Variants in FGF12 observed in about 807,000 individuals in gnomAD.
The protein encoded by FGF12 is fibroblast growth factor 12.
In FGF12, 14 loss-of-function variants were observed where a neutral mutation model predicts 23.6. The observed-to-expected ratio is 0.59, with a 90% CI of 0.39 to 0.93. FGF12 has a LOEUF of 0.93. Ranked by LOEUF, FGF12 falls within the 40% of genes least tolerant of loss-of-function variation. FGF12 has a pLI of 0.00. For missense variants in FGF12, 175 were observed against 217.8 expected (o/e 0.80, Z 1.24); for synonymous variants, 62 against 77.3 (o/e 0.80, Z 1.04).
At chr3:192,625,491 T>C (rs1024146858) in intron 2 of FGF12, among the ~76,000 whole-genome samples, 13 of 152,116 alleles carry the variant, frequency 8.5e-5, no homozygotes, top group Admixed American at 8.5e-4. Flanking sequence ...TTTTTCTATA[T>C]TAAAAATTTA....
chr3:192,283,089 C>T (rs1040415616), intron 4 of FGF12: 12 of 152,044 alleles, frequency 7.9e-5, no homozygotes, highest in African/African-American at 2.9e-4. Flanking sequence ...TTGGACTGGC[C>T]TTTGAAAAAT....
chr3:192,433,812 C>T (rs895267388), intron 2 of FGF12, among the ~76,000 whole-genome samples: 8 of 152,240 alleles, frequency 5.3e-5, no homozygotes, highest in Admixed American at 3.9e-4. Context: ...GTACACTTCA[C>T]CTCCCCATGG....
At chr3:192,518,713 G>A (rs1171310599) in intron 2 of FGF12, among the ~76,000 whole-genome samples, 1 of 152,040 alleles carries the variant, frequency 6.6e-6, no homozygotes, top group Non-Finnish European at 1.5e-5. Context: ...TTTGTTCCAT[G>A]TTATGCATAT....
chr3:192,470,900 T>C (rs1053045089), intron 2 of FGF12, among the ~76,000 whole-genome samples: 3 of 152,162 alleles, frequency 2.0e-5, no homozygotes, highest in Non-Finnish European at 4.4e-5. Context: ...GTCTTCACTC[T>C]TCCTCCTCCA....
chr3:192,599,582 C>T (rs922349062), intron 2 of FGF12, among the ~76,000 whole-genome samples: 5 of 151,780 alleles, frequency 3.3e-5, no homozygotes, highest in African/African-American at 4.8e-5. Context: ...TTCCAACGAC[C>T]AGTTTCTAAT....
At chr3:192,569,413 T>A (rs1396791764) in intron 2 of FGF12, among the ~76,000 whole-genome samples, 1 of 152,226 alleles carries the variant, frequency 6.6e-6, no homozygotes, top group Non-Finnish European at 1.5e-5. Context: ...TAAGGAACCC[T>A]CGTATTCCTA....
intron 4 of FGF12, among the ~76,000 whole-genome samples, chr3:192,174,592 C>T (rs1254001501): frequency 6.6e-6 from 1 of 152,116 alleles, no homozygotes; most frequent in Non-Finnish European, 1.5e-5. Flanking sequence ...TGGCACTGAA[C>T]CAGCTTGGAT....
intron 2 of FGF12, among the ~76,000 whole-genome samples, chr3:192,387,264 C>A (rs75086417): frequency 0.017 from 2,630 of 152,166 alleles, 67 homozygotes; most frequent in African/African-American, 0.06. Flanking sequence ...ATGACACCTC[C>A]TTGTTGGCCC....
chr3:192,260,060 C>T (rs1361805791), intron 4 of FGF12, among the ~76,000 whole-genome samples: 1 of 152,094 alleles, frequency 6.6e-6, no homozygotes, highest in Non-Finnish European at 1.5e-5. Context: ...CTTCCCCAAC[C>T]GGATCTTCTG....
intron 2 of FGF12, among the ~76,000 whole-genome samples, chr3:192,669,388 C>A (rs371426436): frequency 2.6e-5 from 4 of 151,664 alleles, no homozygotes; most frequent in East Asian, 2.0e-4. Flanking sequence ...GAGATCAAGA[C>A]CATCCTGGCC....
intron 4 of FGF12, among the ~76,000 whole-genome samples, chr3:192,317,169 A>G (rs1672144670): frequency 7.9e-6 from 1 of 125,930 alleles, no homozygotes; most frequent in Admixed American, 8.6e-5. Context: ...TAGTGGCTAT[A>G]GGAAGAGACT....
Position 192,332,760 on chromosome 3 carries a change from C to T in FGF12, c.228+2601G>A, listed in dbSNP as rs971555872. 2.0e-5 allele frequency among the ~76,000 whole-genome samples: 3 copies of T among 152,240 alleles called. No individual in the cohort carries two copies. The East Asian group carries it at 5.8e-4, about 29-fold the overall frequency. ...AGCTTATGTAGGTCCTCTTAGTTTG[C>T]TTCAGCACTCTCCTCTCTCTCCATA... is the stretch of plus-strand genomic sequence containing the variant. On this transcript the variant is annotated intron_variant, in intron 4 of 5. Coordinates refer to ENST00000445105, the MANE Select transcript of FGF12 (RefSeq NM_004113.6).
intron 2 of FGF12, among the ~76,000 whole-genome samples, chr3:192,671,739 T>C (rs1717128116): frequency 2.0e-5 from 3 of 151,818 alleles, no homozygotes; most frequent in Admixed American, 2.0e-4. Context: ...TGCGGTGAAG[T>C]GGAGGCATTC....
intron 2 of FGF12, among the ~76,000 whole-genome samples, chr3:192,443,946 GGCC>G (rs1307450723): frequency 6.6e-6 from 1 of 152,116 alleles, no homozygotes; most frequent in African/African-American, 2.4e-5. Context: ...GTGCAATGCT[GGCC>G]CAATGTCAGG....
chr3:192,522,130 G>A (rs958285608), intron 2 of FGF12, among the ~76,000 whole-genome samples: 15 of 151,362 alleles, frequency 9.9e-5, no homozygotes, highest in Non-Finnish European at 2.1e-4. Context: ...CCCGGGAGGC[G>A]GAGCTTGCAA....
chr3:192,369,168 G>A (rs1181909466), intron 2 of FGF12, among the ~76,000 whole-genome samples: 1 of 152,184 alleles, frequency 6.6e-6, no homozygotes, highest in African/African-American at 2.4e-5. Flanking sequence ...CCAGGCACAA[G>A]GTAGATGAGG....
At chr3:192,631,795 C>G (rs75416214) in intron 2 of FGF12, among the ~76,000 whole-genome samples, 14,742 of 152,204 alleles carry the variant, frequency 0.097, 904 homozygotes, top group Non-Finnish European at 0.14. Context: ...ATGTGATATA[C>G]TATAAACCTA....
intron 4 of FGF12, among the ~76,000 whole-genome samples, chr3:192,296,062 CTTTTTTTTTTT>C (rs34021285): frequency 2.6e-5 from 2 of 78,092 alleles, no homozygotes; most frequent in African/African-American, 9.7e-5. Context: ...GTTTTTCTTT[CTTTTTTTTTTT>C]TTTTTTTTTT....
At chr3:192,306,211 A>T (rs771431668) in intron 4 of FGF12, among the ~76,000 whole-genome samples, 1 of 152,154 alleles carries the variant, frequency 6.6e-6, no homozygotes, top group Non-Finnish European at 1.5e-5. Flanking sequence ...TTCTGAATGC[A>T]CATTTTTGTT....
Sources: allele counts gnomAD v4.1 joint callset (sites outside exome capture counted in the v4.1 genomes callset), GRCh38; gene constraint gnomAD v4.1.1; transcripts MANE v1.5; gene names NCBI Gene and HGNC (gene_info 2026-07-23, HGNC 2026-07-21).